The following GARRE1 variants were observed in gnomAD, a reference collection of about 807,000 sequenced individuals.
The protein encoded by GARRE1 is granule associated Rac and RHOG effector 1.
GARRE1 carries 49 observed loss-of-function variants against 103.2 expected under a neutral mutation model. The observed-to-expected ratio is 0.47, with a 90% CI of 0.38 to 0.60. The LOEUF (loss-of-function observed/expected upper bound fraction) is 0.60, where lower values mean the gene tolerates loss of function less well. Ranked by LOEUF, GARRE1 falls within the 20% of genes least tolerant of loss-of-function variation. GARRE1 has a pLI of 0.00. For synonymous variants in GARRE1, 505 were observed against 532.8 expected (o/e 0.95, Z 0.72); for missense variants, 1,199 against 1,370.5 (o/e 0.87, Z 1.98).
At chr19:34,268,630 AT>A (rs111323105) in intron 1 of GARRE1, among the ~76,000 whole-genome samples, 75 of 148,298 alleles carry the variant, frequency 5.1e-4, no homozygotes, top group South Asian at 3.4e-3. Flanking sequence ...GTAATACTGG[AT>A]TTTTTTTTTT....
At chr19:34,350,833 G>A (rs771874450) in intron 12 of GARRE1, among the ~76,000 whole-genome samples, 2 of 151,886 alleles carry the variant, frequency 1.3e-5, no homozygotes, top group Non-Finnish European at 2.9e-5. Flanking sequence ...CACCTACCTC[G>A]GCCTCCCAAA....
chr19:34,330,406 G>C (rs1568308264), intron 7 of GARRE1, 59 bp downstream of exon 7: 34 of 1,545,582 alleles, frequency 2.2e-5, no homozygotes, highest in Non-Finnish European at 2.9e-5. Context: ...AAGCATGTGA[G>C]GATGTGGTGC....
intron 1 of GARRE1, among the ~76,000 whole-genome samples, chr19:34,274,384 A>T (rs978775724): frequency 6.6e-6 from 1 of 152,050 alleles, no homozygotes; most frequent in African/African-American, 2.4e-5. Flanking sequence ...CAGTCTGGGC[A>T]ACTAGAGCGA....
intron 3 of GARRE1, among the ~76,000 whole-genome samples, chr19:34,322,384 CTGG>C (rs2074093464): frequency 1.3e-5 from 2 of 151,938 alleles, no homozygotes; most frequent in Non-Finnish European, 2.9e-5. Flanking sequence ...GTTGGCCTGA[CTGG>C]TCTTGAACTC....
intron 8 of GARRE1, among the ~76,000 whole-genome samples, chr19:34,336,370 C>CA (rs1244446314): frequency 6.6e-6 from 1 of 152,114 alleles, no homozygotes; most frequent in Non-Finnish European, 1.5e-5. Context: ...TCATTTCTAT[C>CA]AAACAGTAAA....
chr19:34,290,106 C>G (rs552343049), intron 1 of GARRE1, among the ~76,000 whole-genome samples: 178 of 152,286 alleles, frequency 1.2e-3, no homozygotes, highest in African/African-American at 4.0e-3. Flanking sequence ...CCTGTAATTC[C>G]AGCACTTTGG....
intron 1 of GARRE1, among the ~76,000 whole-genome samples, chr19:34,256,542 A>G (rs983397938): frequency 6.6e-6 from 1 of 151,394 alleles, no homozygotes; most frequent in African/African-American, 2.4e-5. Context: ...AAAGAAATTC[A>G]TGTTTGCGTC....
chr19:34,318,930 G>A (rs905803530), intron 2 of GARRE1, among the ~76,000 whole-genome samples: 1 of 151,958 alleles, frequency 6.6e-6, no homozygotes, highest in East Asian at 1.9e-4. Flanking sequence ...TCAGAGAATC[G>A]CTTAAACCCA....
chr19:34,262,842 G>A (rs2145951742), intron 1 of GARRE1, among the ~76,000 whole-genome samples: 1 of 152,270 alleles, frequency 6.6e-6, no homozygotes, highest in East Asian at 1.9e-4. Flanking sequence ...ACAGAACAAT[G>A]TATGTTTGCC....
rs1427653202 is a variant in GARRE1 at position 34,302,740 on chromosome 19, T to TG, written c.495+1772_495+1773insG. Among the ~76,000 whole-genome samples the TG allele has an allele frequency of 3.0e-3, 423 of 138,704 alleles. 10 individuals are homozygous for TG. Among genetic ancestry groups the TG allele is most frequent in the Non-Finnish European group, 3.9e-3 (244 of 61,938 alleles). 91.0% of individuals were successfully genotyped at this position (138,704 alleles called of 152,430 possible). A position where few individuals can be genotyped will look rare whatever the true frequency, so the allele number is the denominator to read the frequency against. On this transcript the variant is annotated intron_variant, in intron 2 of 13. Transcript: ENST00000299505. ...CATTTCTTGGGGTCTTTGATAGTTT[T>TG]TTTTTTTTTTTTTTTTTTTTAAAAG...
intron 3 of GARRE1, among the ~76,000 whole-genome samples, chr19:34,320,723 TTTTC>T (rs1318396926): frequency 1.3e-4 from 20 of 150,186 alleles, no homozygotes; most frequent in East Asian, 1.2e-3. Flanking sequence ...TTCTTTTTCT[TTTTC>T]TTTTTTTTTT....
chr19:34,353,086 TTCCTTG>T lies in GARRE1; in HGVS notation c.*132_*137del. On this transcript the variant is annotated 3_prime_UTR_variant, in exon 14 of 14. Transcript: ENST00000299505. ...CCAGTGCGCCCCATCCCAGGGAGGG[TTCCTTG>T]GGGACAAGGGTGGTTGGCAGCTCCA... 1 of 851,242 alleles carries T rather than the reference TTCCTTG, an allele frequency of 1.2e-6. No individual in the cohort carries two copies. The highest frequency in any genetic ancestry group is 1.8e-6 in the Non-Finnish European group (1 of 567,394). 52.7% of individuals were successfully genotyped at this position (851,242 alleles called of 1,614,324 possible). A position where few individuals can be genotyped will look rare whatever the true frequency, so the allele number is the denominator to read the frequency against.
rs1426985577 is a variant in GARRE1, at chr19:34,258,731, A to G, written c.-796+4117A>G. ...TGTGAACCTGGGAGGCGGAGCTTGC[A>G]GTGAGCTGAGATCGTGCCACTGCAC... On this transcript the variant is annotated intron_variant, in intron 1 of 13. Coordinates refer to ENST00000299505, the MANE Select transcript of GARRE1 (RefSeq NM_014686.5). 2.6e-5 allele frequency among the ~76,000 whole-genome samples: 4 copies of G among 152,014 alleles called. No homozygotes were observed. The East Asian group carries it at 5.8e-4, about 22-fold the overall frequency.
chr19:34,285,454 C>T (rs2073880508), intron 1 of GARRE1, among the ~76,000 whole-genome samples: 1 of 151,990 alleles, frequency 6.6e-6, no homozygotes, highest in East Asian at 1.9e-4. Flanking sequence ...GACACCCTGT[C>T]TCTACTAAGA....
intron 1 of GARRE1, among the ~76,000 whole-genome samples, chr19:34,273,079 G>A (rs1195731644): frequency 6.6e-6 from 1 of 152,116 alleles, no homozygotes; most frequent in Admixed American, 6.5e-5. Flanking sequence ...ACGCACACCT[G>A]TACTCCCAGC....
chr19:34,318,263 G>A lies in GARRE1; in HGVS notation c.496-1644G>A, dbSNP rs555042574. Among the ~76,000 whole-genome samples the A allele has an allele frequency of 6.6e-5, 10 of 152,354 alleles. No individual in the cohort carries two copies. In the South Asian group the frequency reaches 1.4e-3, roughly 22 times the overall value. On this transcript the variant is annotated intron_variant, in intron 2 of 13. Transcript: ENST00000299505. ...GGTAGATGCTGAGGCGAGGCAAGGC[G>A]AGAGGTCCACATGCGTGCCACAAGG... is the stretch of plus-strand genomic sequence containing the variant.
chr19:34,300,806 A>T lies in GARRE1; in HGVS notation c.333A>T (p.Ser111=). Reference sequence around the variant, plus strand: ...CTGTGTTCAGGAACTCTCACTACTCAAAGGCAGCCACACAGCTCAAAGATG... The same window carrying T: ...CTGTGTTCAGGAACTCTCACTACTCTAAGGCAGCCACACAGCTCAAAGATG... The part of the protein sequence containing the change: ...FSTVFRNSHY[S]KAATQLKDVQ... Residue 111 remains serine (S), a synonymous_variant, in exon 2 of 14, where the codon TCA becomes TCT. Coordinates refer to ENST00000299505, the MANE Select transcript of GARRE1 (RefSeq NM_014686.5). The T allele has an allele frequency of 6.2e-7, 1 of 1,614,232 alleles. No homozygotes were observed. The highest frequency in any genetic ancestry group is 1.1e-5 in the South Asian group (1 of 91,092).
Position 34,354,282 on chromosome 19 carries a change from T to C in GARRE1, c.*1327T>C, listed in dbSNP as rs1423486330. 6.6e-6 allele frequency: 1 copy of C among 152,216 alleles called. No individual in the cohort carries two copies. Among genetic ancestry groups the C allele is most frequent in the Non-Finnish European group, 1.5e-5 (1 of 68,030 alleles). 9.4% of individuals were successfully genotyped at this position (152,216 alleles called of 1,614,324 possible). A position where few individuals can be genotyped will look rare whatever the true frequency, so the allele number is the denominator to read the frequency against. ...ATGTTAACTACTAATAAATGGTTTA[T>C]TCTTTCTAACTCCATATAAGCTTTT... is the stretch of plus-strand genomic sequence containing the variant. On this transcript the variant is annotated 3_prime_UTR_variant, in exon 14 of 14. Coordinates refer to ENST00000299505, the MANE Select transcript of GARRE1 (RefSeq NM_014686.5).
intron 2 of GARRE1, among the ~76,000 whole-genome samples, chr19:34,305,349 G>C (rs2074002859): frequency 6.6e-6 from 1 of 152,152 alleles, no homozygotes; most frequent in Non-Finnish European, 1.5e-5. Flanking sequence ...GTCACTGCTT[G>C]ATAGAGATAT....
Sources: gnomAD v4.1 joint callset for allele counts (sites outside exome capture counted in the v4.1 genomes callset) on GRCh38, gnomAD v4.1.1 for gene constraint, MANE v1.5 for transcripts, NCBI Gene and HGNC (gene_info 2026-07-23, HGNC 2026-07-21) for gene names.